Variants in ZNF860 observed in about 807,000 individuals in gnomAD.
ZNF860 encodes zinc finger protein 860.
For missense variants in ZNF860, 641 were observed against 759.2 expected, an observed-to-expected ratio of 0.84 and a Z score of 1.83; for synonymous variants, 206 against 248.9, an observed-to-expected ratio of 0.83 and a Z score of 1.62.
At chr3:32,000,530 A>G in the ZNF860 span, among the ~76,000 whole-genome samples, 7 of 152,332 alleles carry the variant, frequency 4.6e-5, no homozygotes, top group South Asian at 4.1e-4. Context: ...AGGATAATCA[A>G]TGCATCTATT....
At chr3:32,002,576 C>CTCTG in the ZNF860 span, among the ~76,000 whole-genome samples, 1 of 152,302 alleles carries the variant, frequency 6.6e-6, no homozygotes, top group Middle Eastern at 3.4e-3. Flanking sequence ...TCCTCCAAAG[C>CTCTG]TCTGTACCTA....
the ZNF860 span, among the ~76,000 whole-genome samples, chr3:31,997,637 G>T: frequency 2.8e-4 from 43 of 151,254 alleles, no homozygotes; most frequent in South Asian, 9.0e-3. Flanking sequence ...TTTTTGTTTT[G>T]TTTTTACTTT....
chr3:31,992,083 T>A (rs145130373), downstream of ZNF860, among the ~76,000 whole-genome samples: 3,598 of 146,406 alleles, frequency 0.025, 149 homozygotes, highest in African/African-American at 0.086. Context: ...GAGGCAGAGG[T>A]CGCAGTGAGC....
chr3:32,005,134 T>C, the ZNF860 span, among the ~76,000 whole-genome samples: 5 of 152,170 alleles, frequency 3.3e-5, no homozygotes, highest in Non-Finnish European at 7.3e-5. Flanking sequence ...TAGGTATACG[T>C]GTGCCATGGT....
chr3:31,982,198 T>G, intron 1 of ZNF860, among the ~76,000 whole-genome samples: 1 of 152,152 alleles, frequency 6.6e-6, no homozygotes, highest in East Asian at 1.9e-4. Flanking sequence ...TTACAAACAT[T>G]GAAGGATTCT....
intron 1 of ZNF860, among the ~76,000 whole-genome samples, chr3:31,985,716 G>A (rs1310285222): frequency 6.6e-6 from 1 of 152,178 alleles, no homozygotes; most frequent in Non-Finnish European, 1.5e-5. Context: ...ATATCAACTT[G>A]GTCATGTCTG....
At position 31,985,032 on chromosome 3, in the gene ZNF860, C is replaced by T. The variant is rs984123572; in HGVS notation, c.-421+3130C>T. Among the ~76,000 whole-genome samples, 3 of 152,210 alleles carry T rather than the reference C, an allele frequency of 2.0e-5. 1 individual carries two copies. Among genetic ancestry groups the T allele is most frequent in the Non-Finnish European group, 4.4e-5 (3 of 68,018 alleles). On this transcript the variant is annotated intron_variant, in intron 1 of 1. Coordinates refer to ENST00000360311, the MANE Select transcript of ZNF860 (RefSeq NM_001137674.3). ...GGTGGGCGGGTCACGTGAGGTCAGG[C>T]GTTCAAGACCAGCCTGGCCAACATG...
At chr3:31,998,575 A>G in the ZNF860 span, among the ~76,000 whole-genome samples, 2 of 152,234 alleles carry the variant, frequency 1.3e-5, no homozygotes, top group Non-Finnish European at 2.9e-5. Flanking sequence ...CAGTTTCCTT[A>G]TCTGTCCCTT....
the ZNF860 span, among the ~76,000 whole-genome samples, chr3:32,000,015 A>T: frequency 7.2e-4 from 109 of 152,066 alleles, no homozygotes; most frequent in African/African-American, 2.6e-3. Flanking sequence ...CAGGGAGATG[A>T]TCTTTGCCAC....
At chr3:31,985,013 C>T (rs997891185) in intron 1 of ZNF860, among the ~76,000 whole-genome samples, 12 of 152,102 alleles carry the variant, frequency 7.9e-5, no homozygotes, top group African/African-American at 2.7e-4. Context: ...CCAAGGTGGG[C>T]GGGTCACGTG....
intron 1 of ZNF860, among the ~76,000 whole-genome samples, chr3:31,982,264 C>A (rs1698865638): frequency 6.6e-6 from 1 of 152,166 alleles, no homozygotes; most frequent in South Asian, 2.1e-4. Flanking sequence ...CTCTTTCTAT[C>A]CCACTAATAT....
At chr3:32,000,569 A>G in the ZNF860 span, among the ~76,000 whole-genome samples, 1 of 152,224 alleles carries the variant, frequency 6.6e-6, no homozygotes, top group Non-Finnish European at 1.5e-5. Context: ...AACACACTCT[A>G]AAAGCATTTC....
In ZNF860 at chr3:31,989,577, C is replaced by G. The variant is rs1559544047; in HGVS notation, c.498C>G (p.Leu166=). The G allele has an allele frequency of 6.2e-7, 1 of 1,614,196 alleles. No homozygotes were observed. Among genetic ancestry groups the G allele is most frequent in the Non-Finnish European group, 8.5e-7 (1 of 1,180,028 alleles). The part of the protein sequence containing the change: ...GLSFHSHLPE[L]HIFQTKGKVG... ...GCTTTCATTCGCATCTTCCTGAACT[C>G]CACATATTTCAGACCAAAGGGAAAG... is the stretch of plus-strand genomic sequence containing the variant. The change falls in exon 2 of 2, where the codon CTC becomes CTG. Residue 166 remains leucine (L), a synonymous_variant. Coordinates refer to ENST00000360311, the MANE Select transcript of ZNF860 (RefSeq NM_001137674.3).
chr3:32,000,653 C>T, the ZNF860 span, among the ~76,000 whole-genome samples: 1 of 152,208 alleles, frequency 6.6e-6, no homozygotes, highest in Admixed American at 6.5e-5. Context: ...GGTTGTTCCT[C>T]CCTTTACCAT....
At chr3:32,004,280 G>A in the ZNF860 span, among the ~76,000 whole-genome samples, 4 of 152,148 alleles carry the variant, frequency 2.6e-5, no homozygotes, top group African/African-American at 7.2e-5. Flanking sequence ...CCTGAGGGCA[G>A]TGTGGACCTG....
the ZNF860 span, among the ~76,000 whole-genome samples, chr3:32,006,079 C>T: frequency 2.0e-5 from 3 of 151,754 alleles, no homozygotes; most frequent in Admixed American, 6.6e-5. Context: ...CAAGTAGCTG[C>T]GATTACAGAT....
At chr3:31,992,124 C>CA, downstream of ZNF860, among the ~76,000 whole-genome samples, 1 of 131,594 alleles carries the variant, frequency 7.6e-6, no homozygotes, top group East Asian at 2.2e-4. Context: ...CCAACCTAGG[C>CA]AACAGAGCGA....
downstream of ZNF860, among the ~76,000 whole-genome samples, chr3:31,995,205 C>A (rs1699077852): frequency 6.6e-6 from 1 of 152,108 alleles, no homozygotes; most frequent in Admixed American, 6.6e-5. Context: ...ACTGGTCTGA[C>A]CTCAAATTTA....
At chr3:32,004,698 AC>A in the ZNF860 span, among the ~76,000 whole-genome samples, 7 of 152,210 alleles carry the variant, frequency 4.6e-5, no homozygotes, top group Non-Finnish European at 1.0e-4. Flanking sequence ...TACCAAGAGA[AC>A]AACAGAGAAG....
Sources: allele counts gnomAD v4.1 joint callset (sites outside exome capture counted in the v4.1 genomes callset), GRCh38; gene constraint gnomAD v4.1.1; transcripts MANE v1.5; gene names NCBI Gene and HGNC (gene_info 2026-07-23, HGNC 2026-07-21).